MACROD2: variants seen among roughly 807,000 people sequenced by gnomAD.
MACROD2 encodes the protein mono-ADP ribosylhydrolase 2.
Under a neutral mutation model 70.4 loss-of-function variants are expected in MACROD2, and 36 were observed. The observed-to-expected ratio is 0.51, with a 90% CI of 0.39 to 0.68. The LOEUF is 0.68. MACROD2 is among the 30% of genes least tolerant of loss of function. The probability of loss-of-function intolerance (pLI) is 0.00; values close to 1 mark genes in which losing one functional copy is unlikely to be tolerated. For synonymous variants in MACROD2, 172 were observed against 178.8 expected (o/e 0.96, Z 0.30); for missense variants, 496 against 538.4 (o/e 0.92, Z 0.78).
intron 8 of MACROD2, among the ~76,000 whole-genome samples, chr20:15,743,321 T>G (rs2051132577): frequency 6.6e-6 from 1 of 152,138 alleles, no homozygotes; most frequent in South Asian, 2.1e-4. Context: ...TGGCTATAGA[T>G]TCATCAGAAG....
chr20:14,539,886 A>AGATTG (rs1358926771), intron 4 of MACROD2, among the ~76,000 whole-genome samples: 4 of 152,196 alleles, frequency 2.6e-5, no homozygotes, highest in Non-Finnish European at 5.9e-5. Context: ...ATTGGGAGGA[A>AGATTG]AGCATTAGAT....
At position 14,717,062 on chromosome 20, in the gene MACROD2, C is replaced by T. The variant is rs2071405295; in HGVS notation, c.418+32103C>T. ...AATTTGGGGGTATTGAACCTTAGAA[C>T]CAATCACTAAAAATTCTGATTTTGT... On this transcript the variant is annotated intron_variant, in intron 5 of 17. Coordinates refer to ENST00000684519, the MANE Select transcript of MACROD2 (RefSeq NM_001351661.2). Among the ~76,000 whole-genome samples the T allele has an allele frequency of 3.3e-5, 5 of 152,086 alleles. No homozygotes were observed. The South Asian group carries it at 1.0e-3, about 32-fold the overall frequency.
chr20:15,879,805 G>A (rs905715677), intron 9 of MACROD2, among the ~76,000 whole-genome samples: 10 of 152,118 alleles, frequency 6.6e-5, no homozygotes, highest in African/African-American at 2.4e-4. Flanking sequence ...AGACCCAGGA[G>A]AGCTCATGGC....
chr20:15,329,541 C>A (rs80105471), intron 6 of MACROD2, among the ~76,000 whole-genome samples: 5,777 of 152,048 alleles, frequency 0.038, 139 homozygotes, highest in South Asian at 0.099. Flanking sequence ...AGCTCAGGAC[C>A]AGCCTGGGCA....
chr20:14,852,069 G>T (rs923182176), intron 5 of MACROD2, among the ~76,000 whole-genome samples: 1 of 152,168 alleles, frequency 6.6e-6, no homozygotes, highest in Non-Finnish European at 1.5e-5. Flanking sequence ...AGACTTCCAA[G>T]GGGAGAGCAG....
chr20:14,862,911 A>G (rs2073387523), intron 5 of MACROD2, among the ~76,000 whole-genome samples: 1 of 150,652 alleles, frequency 6.6e-6, no homozygotes, highest in South Asian at 2.1e-4. Flanking sequence ...ATGGGAGCCA[A>G]ACTTTTAGTT....
At chr20:14,738,962 A>T (rs1025818670) in intron 5 of MACROD2, among the ~76,000 whole-genome samples, 2 of 152,050 alleles carry the variant, frequency 1.3e-5, no homozygotes, top group Admixed American at 1.3e-4. Flanking sequence ...ATAAAAATAC[A>T]CAAGTGGAAT....
intron 8 of MACROD2, among the ~76,000 whole-genome samples, chr20:15,596,396 G>A (rs2048746761): frequency 6.6e-6 from 1 of 152,200 alleles, no homozygotes; most frequent in African/African-American, 2.4e-5. Context: ...CATTCCACAT[G>A]TTAGCTGGTT....
At chr20:14,416,076 A>C (rs1897045245) in intron 3 of MACROD2, among the ~76,000 whole-genome samples, 1 of 151,502 alleles carries the variant, frequency 6.6e-6, no homozygotes, top group Admixed American at 6.6e-5. Flanking sequence ...CTCCTGCCTC[A>C]GCCTCCTGAG....
At chr20:14,306,684 G>T (rs2082523610) in intron 3 of MACROD2, among the ~76,000 whole-genome samples, 1 of 152,120 alleles carries the variant, frequency 6.6e-6, no homozygotes, top group South Asian at 2.1e-4. Flanking sequence ...AGGACAAGTT[G>T]TAGAGGGTAG....
intron 3 of MACROD2, among the ~76,000 whole-genome samples, chr20:14,122,233 T>C (rs4814284): frequency 0.15 from 23,516 of 152,136 alleles, 1,901 homozygotes; most frequent in East Asian, 0.23. Context: ...TCTCTTTTAG[T>C]TATTATCTGT....
At chr20:15,586,574 C>G (rs774193232) in intron 8 of MACROD2, among the ~76,000 whole-genome samples, 3 of 152,102 alleles carry the variant, frequency 2.0e-5, no homozygotes, top group Non-Finnish European at 2.9e-5. Context: ...CTCATGCTGA[C>G]CAGGAAAACA....
chr20:15,843,377 A>T (rs1455407327), intron 8 of MACROD2, among the ~76,000 whole-genome samples: 1 of 152,118 alleles, frequency 6.6e-6, no homozygotes, highest in Admixed American at 6.6e-5. Flanking sequence ...TTTCATGTGG[A>T]TGGTTTATAC....
intron 5 of MACROD2, among the ~76,000 whole-genome samples, chr20:14,948,779 G>A (rs1443326160): frequency 6.6e-6 from 1 of 152,176 alleles, no homozygotes; most frequent in Non-Finnish European, 1.5e-5. Context: ...CAAAGGCTAT[G>A]TCAAGTGCCT....
intron 3 of MACROD2, among the ~76,000 whole-genome samples, chr20:14,186,400 T>C (rs1193952880): frequency 1.3e-5 from 2 of 152,068 alleles, no homozygotes; most frequent in Non-Finnish European, 2.9e-5. Flanking sequence ...CAAAACCACA[T>C]TGATATACCA....
At chr20:15,223,052 G>T (rs2076875297) in intron 5 of MACROD2, among the ~76,000 whole-genome samples, 1 of 152,042 alleles carries the variant, frequency 6.6e-6, no homozygotes, top group Non-Finnish European at 1.5e-5. Context: ...AATAGGAGTG[G>T]GGGAGTGCAA....
intron 7 of MACROD2, among the ~76,000 whole-genome samples, chr20:15,482,526 T>G (rs2047111642): frequency 1.3e-5 from 2 of 152,188 alleles, no homozygotes; most frequent in Non-Finnish European, 2.9e-5. Context: ...TACATTGAAG[T>G]CCTTGATCTA....
chr20:15,169,866 T>C (rs1220360323), intron 5 of MACROD2, among the ~76,000 whole-genome samples: 1 of 152,234 alleles, frequency 6.6e-6, no homozygotes, highest in African/African-American at 2.4e-5. Flanking sequence ...TTGTTATTTA[T>C]TGATGACTTT....
intron 5 of MACROD2, among the ~76,000 whole-genome samples, chr20:15,051,784 C>T (rs931324881): frequency 6.9e-6 from 1 of 143,902 alleles, no homozygotes; most frequent in African/African-American, 2.7e-5. Flanking sequence ...GAGTCTTTCT[C>T]TGTCCCCGCC....
Sources: gnomAD v4.1 joint callset for allele counts (sites outside exome capture counted in the v4.1 genomes callset) on GRCh38, gnomAD v4.1.1 for gene constraint, MANE v1.5 for transcripts, NCBI Gene and HGNC (gene_info 2026-07-23, HGNC 2026-07-21) for gene names.